Variants in ASTN2 observed in about 807,000 individuals in gnomAD.
ASTN2 encodes the protein astrotactin-2.
Under a neutral mutation model 139.8 loss-of-function variants are expected in ASTN2, and 54 were observed. The observed-to-expected ratio is 0.39, with a 90% CI of 0.31 to 0.48. ASTN2 has a LOEUF of 0.48. ASTN2 is among the 20% of genes least tolerant of loss of function. The pLI is 0.95. For synonymous variants in ASTN2, 756 were observed against 719.5 expected, an observed-to-expected ratio of 1.05 and a Z score of -0.81; for missense variants, 1,565 against 1,725.1, an observed-to-expected ratio of 0.91 and a Z score of 1.64.
rs115201004 is a variant in ASTN2 at position 117,099,461 on chromosome 9, C to T, written c.1169-3310G>A. 5.5e-3 allele frequency among the ~76,000 whole-genome samples: 834 copies of T among 152,268 alleles called. 10 individuals carry two copies. Among genetic ancestry groups the T allele is most frequent in the African/African-American group, 0.017 (704 of 41,544 alleles). ...ACAAATCTGGCTTACAGGAATCAGA[C>T]TTTATTCTTTCCCTACTGGAGCAAG... On this transcript the variant is annotated intron_variant, in intron 4 of 22. Coordinates refer to ENST00000313400, the MANE Select transcript of ASTN2 (RefSeq NM_001365068.1).
At chr9:117,352,879 T>C (rs1479213324) in intron 1 of ASTN2, among the ~76,000 whole-genome samples, 1 of 152,152 alleles carries the variant, frequency 6.6e-6, no homozygotes, top group African/African-American at 2.4e-5. Context: ...GATGAAGCTT[T>C]AAGACACTAG....
At chr9:117,131,287 G>A (rs1829821007) in intron 4 of ASTN2, among the ~76,000 whole-genome samples, 1 of 152,004 alleles carries the variant, frequency 6.6e-6, no homozygotes, top group African/African-American at 2.4e-5. Flanking sequence ...TCTTCTTTTG[G>A]AGTTTAGGCA....
intron 17 of ASTN2, among the ~76,000 whole-genome samples, chr9:116,633,485 A>T (rs1215143114): frequency 6.6e-6 from 1 of 152,194 alleles, no homozygotes; most frequent in East Asian, 1.9e-4. Flanking sequence ...CTGTCTTCTA[A>T]GCCTGCTGTC....
intron 7 of ASTN2, among the ~76,000 whole-genome samples, chr9:116,980,522 C>A (rs896505084): frequency 1.3e-5 from 2 of 152,164 alleles, no homozygotes; most frequent in African/African-American, 2.4e-5. Context: ...ACACAAATTA[C>A]CTCCTTTTGG....
At chr9:117,167,071 C>A (rs1830685773) in intron 3 of ASTN2, among the ~76,000 whole-genome samples, 1 of 151,952 alleles carries the variant, frequency 6.6e-6, no homozygotes, top group Non-Finnish European at 1.5e-5. Context: ...AAAGCAAAAC[C>A]AAAGTAAACC....
At chr9:117,016,641 TA>T (rs1564385989) in intron 6 of ASTN2, among the ~76,000 whole-genome samples, 5 of 23,594 alleles carry the variant, frequency 2.1e-4, no homozygotes, top group South Asian at 1.4e-3. Flanking sequence ...TATATATATA[TA>T]TATATATATA....
At chr9:116,996,700 T>A (rs1047848817) in intron 7 of ASTN2, among the ~76,000 whole-genome samples, 1 of 152,168 alleles carries the variant, frequency 6.6e-6, no homozygotes, top group Non-Finnish European at 1.5e-5. Flanking sequence ...TTAACAAATA[T>A]GGAACTCTTT....
intron 10 of ASTN2, among the ~76,000 whole-genome samples, chr9:116,956,625 A>G (rs1039895767): frequency 1.1e-4 from 17 of 151,904 alleles, no homozygotes; most frequent in Admixed American, 9.9e-4. Context: ...AAGCAATAAA[A>G]TGATCTCCAT....
chr9:116,910,965 C>T lies in ASTN2; in HGVS notation c.1890-47232G>A, dbSNP rs559677716. Among the ~76,000 whole-genome samples, 174 of 152,248 alleles carry T rather than the reference C, an allele frequency of 1.1e-3. 1 individual carries two copies. The South Asian group carries it at 0.02, about 18-fold the overall frequency. On this transcript the variant is annotated intron_variant, in intron 10 of 22. Coordinates refer to ENST00000313400, the MANE Select transcript of ASTN2 (RefSeq NM_001365068.1). The stretch of plus-strand genomic sequence containing the variant: ...ACGGCTTGAGCACTTTATAAAGCAG[C>T]ATCTGCCTTATCACCAGAGGTACCT...
At chr9:116,569,032 T>C (rs1033245230) in intron 19 of ASTN2, 1 of 152,148 alleles carries the variant, frequency 6.6e-6, no homozygotes, top group African/African-American at 2.4e-5. Context: ...GGGAAGCAGA[T>C]GAGAGGTTCA....
chr9:117,060,585 CAGGAAGGA>C (rs1554774170), intron 5 of ASTN2, among the ~76,000 whole-genome samples: 3 of 132,332 alleles, frequency 2.3e-5, no homozygotes, highest in Non-Finnish European at 3.2e-5. Context: ...GGAAAGAAGG[CAGGAAGGA>C]AGGAAGGAAG....
chr9:117,145,562 G>T (rs558053994), intron 3 of ASTN2, among the ~76,000 whole-genome samples: 1 of 152,132 alleles, frequency 6.6e-6, no homozygotes, highest in Non-Finnish European at 1.5e-5. Flanking sequence ...ACAGCTTTCT[G>T]CCCAGTGTCC....
chr9:116,651,621 T>C lies in ASTN2; in HGVS notation c.2979A>G (p.Pro993=), dbSNP rs1857920283. 1.2e-6 allele frequency: 2 copies of C among 1,614,158 alleles called. No homozygotes were observed. The highest frequency in any genetic ancestry group is 1.7e-6 in the Non-Finnish European group (2 of 1,180,032). Residue 993 remains proline, a synonymous_variant, in exon 17 of 23, where the codon CCA becomes CCG. Coordinates refer to ENST00000313400, the MANE Select transcript of ASTN2 (RefSeq NM_001365068.1). ...GTGTGGGGCTCAGCTGCTCCTTGCC[T>C]GGCCGGCGGCAAAGGTGACAGGTAG... ...CPSTCHLCRR[P]GKEQLSPTPV...
intron 19 of ASTN2, among the ~76,000 whole-genome samples, chr9:116,561,284 C>A (rs1317093339): frequency 6.6e-6 from 1 of 152,168 alleles, no homozygotes; most frequent in Non-Finnish European, 1.5e-5. Context: ...ATGGCTAGAA[C>A]TTAATCATCT....
intron 10 of ASTN2, among the ~76,000 whole-genome samples, chr9:116,940,533 G>A (rs563706671): frequency 6.6e-6 from 1 of 152,200 alleles, no homozygotes; most frequent in Admixed American, 6.5e-5. Flanking sequence ...TTTAATAAAG[G>A]AGTTTAAGAG....
chr9:116,772,390 C>T (rs1235688778), intron 13 of ASTN2, among the ~76,000 whole-genome samples: 2 of 152,192 alleles, frequency 1.3e-5, no homozygotes, highest in East Asian at 1.9e-4. Context: ...CGTGCCTTTG[C>T]TTCTCCTTTG....
At chr9:116,678,168 T>C (rs1159887741) in intron 16 of ASTN2, among the ~76,000 whole-genome samples, 1 of 152,196 alleles carries the variant, frequency 6.6e-6, no homozygotes, top group African/African-American at 2.4e-5. Flanking sequence ...AGATATCAGA[T>C]TTGTTAAATG....
At chr9:117,308,520 C>G (rs1442386313) in intron 1 of ASTN2, among the ~76,000 whole-genome samples, 1 of 152,180 alleles carries the variant, frequency 6.6e-6, no homozygotes, top group Admixed American at 6.5e-5. Flanking sequence ...GGATGTGTTA[C>G]TACTGCCTGG....
At chr9:117,262,157 C>G (rs1420363415) in intron 2 of ASTN2, among the ~76,000 whole-genome samples, 1 of 152,018 alleles carries the variant, frequency 6.6e-6, no homozygotes, top group Non-Finnish European at 1.5e-5. Flanking sequence ...ATACCATTAG[C>G]AGGGATCATC....
Sources: gnomAD v4.1 joint callset for allele counts (sites outside exome capture counted in the v4.1 genomes callset) on GRCh38, gnomAD v4.1.1 for gene constraint, MANE v1.5 for transcripts, NCBI Gene and HGNC (gene_info 2026-07-23, HGNC 2026-07-21) for gene names.